The following ADAMTS9 variants were observed in gnomAD, a reference collection of about 807,000 sequenced individuals.
ADAMTS9 encodes A disintegrin and metalloproteinase with thrombospondin motifs 9.
Under a neutral mutation model 257.1 loss-of-function variants are expected in ADAMTS9, and 107 were observed. That is an observed-to-expected ratio of 0.42 (90% CI 0.36 to 0.49). ADAMTS9 has a LOEUF of 0.49. ADAMTS9 is among the 20% of genes least tolerant of loss of function. The pLI, the probability that ADAMTS9 is intolerant of heterozygous loss-of-function variation, is 0.03. For missense variants in ADAMTS9, 2,353 were observed against 2,469.1 expected, an observed-to-expected ratio of 0.95 and a Z score of 1.00; for synonymous variants, 982 against 880.9, an observed-to-expected ratio of 1.11 and a Z score of -2.03.
chr3:64,528,848 GAACA>G (rs1448673262), intron 38 of ADAMTS9, among the ~76,000 whole-genome samples: 1 of 152,152 alleles, frequency 6.6e-6, no homozygotes, highest in Non-Finnish European at 1.5e-5. Flanking sequence ...TTTTATAGAT[GAACA>G]AACTGAGTCC....
chr3:64,522,369 A>G, intron 38 of ADAMTS9, 109 bp from the exon 39 acceptor site: 1 of 927,398 alleles, frequency 1.1e-6, no homozygotes, highest in South Asian at 1.5e-5. Flanking sequence ...GGCCTTCTGA[A>G]CTGATGTGAA....
chr3:64,560,052 G>A (rs1403844400), intron 30 of ADAMTS9, among the ~76,000 whole-genome samples: 1 of 152,136 alleles, frequency 6.6e-6, no homozygotes, highest in Non-Finnish European at 1.5e-5. Context: ...AACCATAATA[G>A]ATAACACTAT....
chr3:64,524,352 C>T (rs572027852), intron 38 of ADAMTS9, among the ~76,000 whole-genome samples: 1 of 152,276 alleles, frequency 6.6e-6, no homozygotes, highest in South Asian at 2.1e-4. Flanking sequence ...CTTTACTTGC[C>T]TGCCAAGCCA....
chr3:64,646,702 A>T (rs1177845545), intron 11 of ADAMTS9, among the ~76,000 whole-genome samples: 2 of 152,162 alleles, frequency 1.3e-5, no homozygotes, highest in African/African-American at 4.8e-5. Context: ...ATATTTTTAA[A>T]CTTTCATATC....
intron 4 of ADAMTS9, among the ~76,000 whole-genome samples, chr3:64,657,525 G>T (rs1273236107): frequency 1.3e-5 from 2 of 150,646 alleles, no homozygotes; most frequent in Non-Finnish European, 3.0e-5. Flanking sequence ...TTTTTTAATA[G>T]AGACCAGGTC....
chr3:64,598,985 C>G (rs2084411639), intron 26 of ADAMTS9, among the ~76,000 whole-genome samples: 1 of 152,150 alleles, frequency 6.6e-6, no homozygotes, highest in Admixed American at 6.5e-5. Context: ...ATGGTATTCT[C>G]TCTCCAATAT....
intron 28 of ADAMTS9, among the ~76,000 whole-genome samples, chr3:64,578,227 C>T (rs1473341577): frequency 6.6e-6 from 1 of 151,684 alleles, no homozygotes; most frequent in Non-Finnish European, 1.5e-5. Flanking sequence ...CAGTCACTCT[C>T]AATATGCATT....
At chr3:64,572,091 T>C (rs2083703201) in intron 28 of ADAMTS9, among the ~76,000 whole-genome samples, 1 of 152,220 alleles carries the variant, frequency 6.6e-6, no homozygotes, top group Admixed American at 6.5e-5. Context: ...CTGACTTTTT[T>C]TTCTTGGGAA....
chr3:64,649,535 C>T, intron 10 of ADAMTS9, 102 bp downstream of exon 10: 3 of 1,363,720 alleles, frequency 2.2e-6, no homozygotes, highest in South Asian at 3.0e-5. Context: ...CTCAGCTTTT[C>T]CTTGGGTAGT....
chr3:64,654,325 TA>T, intron 8 of ADAMTS9, 27 bp downstream of exon 8: 1 of 1,598,084 alleles, frequency 6.3e-7, no homozygotes, highest in Non-Finnish European at 8.5e-7. Flanking sequence ...CACTCCAAAT[TA>T]AATGAAATTA....
rs58885924 is a variant in ADAMTS9 at position 64,614,839 on chromosome 3, C to CTT, written c.3189+480_3189+481dup. On this transcript the variant is annotated intron_variant, in intron 21 of 39. Coordinates refer to ENST00000498707, the MANE Select transcript of ADAMTS9 (RefSeq NM_182920.2). The stretch of plus-strand genomic sequence containing the variant: ...ATACTCAGTCTGGTCCATTTCTTTT[C>CTT]TTTTTTTTTTTTTCCGAGTTTTATT... 309 of 142,764 alleles carry CTT rather than the reference C, an allele frequency of 2.2e-3. 4 individuals are homozygous for CTT. Among genetic ancestry groups the CTT allele is most frequent in the African/African-American group, 7.6e-3 (299 of 39,428 alleles). 8.8% of individuals were successfully genotyped at this position (142,764 alleles called of 1,614,324 possible). A position where few individuals can be genotyped will look rare whatever the true frequency, so the allele number is the denominator to read the frequency against.
At chr3:64,563,693 A>G (rs1485921243) in intron 29 of ADAMTS9, among the ~76,000 whole-genome samples, 3 of 152,206 alleles carry the variant, frequency 2.0e-5, no homozygotes, top group Non-Finnish European at 4.4e-5. Flanking sequence ...AGACACAGGA[A>G]AGTTCAATTA....
chr3:64,672,418 C>A (rs1701515057), intron 3 of ADAMTS9, among the ~76,000 whole-genome samples: 1 of 152,172 alleles, frequency 6.6e-6, no homozygotes, highest in East Asian at 1.9e-4. Flanking sequence ...TGTGGTGGCT[C>A]ATGCCTGTAA....
At chr3:64,625,839 A>C (rs1182706071) in intron 16 of ADAMTS9, among the ~76,000 whole-genome samples, 1 of 152,190 alleles carries the variant, frequency 6.6e-6, no homozygotes, top group Non-Finnish European at 1.5e-5. Context: ...GCCTCCCTGT[A>C]ACTTTACAAA....
chr3:64,528,277 G>C (rs2082934032), intron 38 of ADAMTS9, among the ~76,000 whole-genome samples: 1 of 152,178 alleles, frequency 6.6e-6, no homozygotes, highest in Non-Finnish European at 1.5e-5. Flanking sequence ...AATGGGCATG[G>C]GGAGCTGTGG....
At chr3:64,613,153 G>A (rs1053931669) in intron 22 of ADAMTS9, among the ~76,000 whole-genome samples, 192 bp downstream of exon 22, 3 of 152,172 alleles carry the variant, frequency 2.0e-5, no homozygotes, top group Admixed American at 2.0e-4. Context: ...GCTCCAGGAG[G>A]GCAGGCAGCA....
At chr3:64,641,802 T>C (rs374401464) in intron 12 of ADAMTS9, 46 bp downstream of exon 12, 10 of 1,604,958 alleles carry the variant, frequency 6.2e-6, no homozygotes, top group Non-Finnish European at 8.5e-6. Context: ...AGGAATTTCA[T>C]GTTCCTGCCA....
intron 8 of ADAMTS9, among the ~76,000 whole-genome samples, chr3:64,652,566 T>A (rs1168593840): frequency 6.6e-6 from 1 of 152,184 alleles, no homozygotes; most frequent in Non-Finnish European, 1.5e-5. Context: ...CTCCCACAAT[T>A]ACTTGATAAA....
At chr3:64,547,970 G>A (rs1462584187) in intron 31 of ADAMTS9, among the ~76,000 whole-genome samples, 1 of 152,020 alleles carries the variant, frequency 6.6e-6, no homozygotes, top group Admixed American at 6.5e-5. Context: ...TTGTAAATGT[G>A]CTTCATAAAC....
Sources: allele counts gnomAD v4.1 joint callset (sites outside exome capture counted in the v4.1 genomes callset), GRCh38; gene constraint gnomAD v4.1.1; transcripts MANE v1.5; gene names NCBI Gene and HGNC (gene_info 2026-07-23, HGNC 2026-07-21).